TPTE: variants seen among roughly 807,000 people sequenced by gnomAD.
TPTE encodes the protein putative tyrosine-protein phosphatase TPTE.
TPTE carries 59 observed loss-of-function variants against 84.1 expected under a neutral mutation model. The ratio of observed to expected loss-of-function variants is 0.70; its 90% CI spans 0.57 to 0.87. The LOEUF (loss-of-function observed/expected upper bound fraction) is 0.87, where lower values mean the gene tolerates loss of function less well. Ranked by LOEUF, TPTE falls within the 40% of genes least tolerant of loss-of-function variation. TPTE has a pLI of 0.00. For missense variants in TPTE, 382 were observed against 659.6 expected, an observed-to-expected ratio of 0.58 and a Z score of 4.61; for synonymous variants, 130 against 223.5, an observed-to-expected ratio of 0.58 and a Z score of 3.73.
chr21:10,546,456 A>G (rs2145632222), intron 7 of TPTE, among the ~76,000 whole-genome samples: 1 of 152,428 alleles, frequency 6.6e-6, no homozygotes, highest in South Asian at 2.1e-4. Context: ...TAGTGAAGGG[A>G]AGAGTCACAT....
intron 20 of TPTE, among the ~76,000 whole-genome samples, chr21:10,596,465 A>G (rs867772046): frequency 3.8e-3 from 570 of 150,612 alleles, no homozygotes; most frequent in African/African-American, 0.014. Context: ...CCTCTAGTTC[A>G]GAGTTTGCCT....
At chr21:10,579,541 A>G (rs867474114) in intron 17 of TPTE, among the ~76,000 whole-genome samples, 7 of 152,166 alleles carry the variant, frequency 4.6e-5, no homozygotes, top group African/African-American at 1.7e-4. Context: ...ACAATCCCCC[A>G]AGTTTTGTCT....
chr21:10,587,263 T>A (rs1256721622), intron 17 of TPTE, among the ~76,000 whole-genome samples: 1 of 152,312 alleles, frequency 6.6e-6, no homozygotes, highest in Non-Finnish European at 1.5e-5. Context: ...ATATACAGGT[T>A]TATTGGTAAT....
chr21:10,529,437 T>C (rs1287994300), intron 3 of TPTE, among the ~76,000 whole-genome samples: 5 of 152,308 alleles, frequency 3.3e-5, no homozygotes, highest in Non-Finnish European at 7.3e-5. Context: ...AGGGGTGAGT[T>C]AACACAAAAG....
At chr21:10,529,491 A>G (rs1426428762) in intron 3 of TPTE, among the ~76,000 whole-genome samples, 1 of 152,312 alleles carries the variant, frequency 6.6e-6, no homozygotes, top group Non-Finnish European at 1.5e-5. Context: ...AAATCTCAGC[A>G]TTCACTTTCT....
At chr21:10,535,571 C>G (rs1424269292) in intron 3 of TPTE, among the ~76,000 whole-genome samples, 1 of 152,308 alleles carries the variant, frequency 6.6e-6, no homozygotes, top group Non-Finnish European at 1.5e-5. Flanking sequence ...GTATATTTGT[C>G]ACTCTAAGTT....
At chr21:10,540,233 A>G (rs57482025) in intron 4 of TPTE, among the ~76,000 whole-genome samples, 2,849 of 151,168 alleles carry the variant, frequency 0.019, no homozygotes, top group African/African-American at 0.056. Flanking sequence ...GTGTCTATGC[A>G]TATACAAACA....
chr21:10,522,992 T>A (rs559691998), intron 1 of TPTE, among the ~76,000 whole-genome samples: 332 of 152,292 alleles, frequency 2.2e-3, no homozygotes, highest in Non-Finnish European at 3.3e-3. Context: ...CCCCAAGTCC[T>A]ATCAACCTTG....
chr21:10,586,731 A>T (rs1468460159), intron 17 of TPTE, among the ~76,000 whole-genome samples: 1 of 152,300 alleles, frequency 6.6e-6, no homozygotes, highest in African/African-American at 2.4e-5. Flanking sequence ...TGCATCCTTG[A>T]TTTAGCTATT....
At chr21:10,590,901 G>C (rs1288302453) in intron 18 of TPTE, among the ~76,000 whole-genome samples, 1 of 152,310 alleles carries the variant, frequency 6.6e-6, no homozygotes, top group Non-Finnish European at 1.5e-5. Flanking sequence ...GCAGGATTAA[G>C]GTGAGGGGAG....
At chr21:10,561,899 G>A (rs958959673) in intron 10 of TPTE, among the ~76,000 whole-genome samples, 1 of 152,312 alleles carries the variant, frequency 6.6e-6, no homozygotes, top group East Asian at 1.9e-4. Context: ...TCCTGCAATA[G>A]CTAAGGAGTG....
At chr21:10,552,265 A>G (rs1218339077) in intron 7 of TPTE, among the ~76,000 whole-genome samples, 2 of 152,308 alleles carry the variant, frequency 1.3e-5, no homozygotes, top group African/African-American at 4.8e-5. Flanking sequence ...CATTTGTGTG[A>G]GTTGCTTAAT....
At chr21:10,553,061 G>T (rs1417316137) in intron 8 of TPTE, among the ~76,000 whole-genome samples, 15 of 152,284 alleles carry the variant, frequency 9.9e-5, no homozygotes, top group Non-Finnish European at 2.1e-4. Flanking sequence ...ACTAGATATG[G>T]TGTGATTCCC....
At chr21:10,533,487 C>G (rs1002077400) in intron 3 of TPTE, among the ~76,000 whole-genome samples, 10 of 152,300 alleles carry the variant, frequency 6.6e-5, no homozygotes, top group Non-Finnish European at 1.2e-4. Context: ...GATATCTAAT[C>G]ATGTTGGTTT....
At chr21:10,584,220 T>G (rs2075320949) in intron 17 of TPTE, among the ~76,000 whole-genome samples, 1 of 152,306 alleles carries the variant, frequency 6.6e-6, no homozygotes, top group Admixed American at 6.5e-5. Context: ...TTAGATTTTT[T>G]TTGTGGTTAT....
At chr21:10,586,035 C>T (rs1160282683) in intron 17 of TPTE, among the ~76,000 whole-genome samples, 1 of 152,290 alleles carries the variant, frequency 6.6e-6, no homozygotes, top group Non-Finnish European at 1.5e-5. Flanking sequence ...AAGTTTTTGG[C>T]CTATTTGTGG....
chr21:10,601,119 T>C (rs542618850), intron 21 of TPTE, among the ~76,000 whole-genome samples: 4 of 152,428 alleles, frequency 2.6e-5, no homozygotes, highest in African/African-American at 9.6e-5. Context: ...CCCTAACACA[T>C]AAAAATCAAA....
chr21:10,542,518 GAGCA>G (rs2074388189), intron 6 of TPTE, 70 bp downstream of exon 6: 5 of 1,572,196 alleles, frequency 3.2e-6, no homozygotes, highest in Admixed American at 3.4e-5. Context: ...ACAGGCACAT[GAGCA>G]AGTATACCCC....
chr21:10,556,614 C>G (rs1453741581), intron 8 of TPTE, among the ~76,000 whole-genome samples: 1 of 152,304 alleles, frequency 6.6e-6, no homozygotes, highest in African/African-American at 2.4e-5. Flanking sequence ...TGAGGAATCG[C>G]CACACTGTCT....
Sources: gnomAD v4.1 joint callset for allele counts (sites outside exome capture counted in the v4.1 genomes callset) on GRCh38, gnomAD v4.1.1 for gene constraint, MANE v1.5 for transcripts, NCBI Gene and HGNC (gene_info 2026-07-23, HGNC 2026-07-21) for gene names.